Variants in ARHGAP15 observed in about 807,000 individuals in gnomAD.
The protein encoded by ARHGAP15 is rho GTPase-activating protein 15.
A neutral mutation model predicts 63.7 loss-of-function variants in ARHGAP15; 51 were observed. That is an observed-to-expected ratio of 0.80 (90% CI 0.64 to 1.01). The LOEUF (loss-of-function observed/expected upper bound fraction) is 1.01, where lower values mean the gene tolerates loss of function less well. Among genes scored for constraint, ARHGAP15 ranks in the 50% least tolerant of loss-of-function variants. The pLI is 0.00. For synonymous variants in ARHGAP15, 191 were observed against 193.8 expected, an observed-to-expected ratio of 0.99 and a Z score of 0.12; for missense variants, 560 against 564.6, an observed-to-expected ratio of 0.99 and a Z score of 0.08.
At chr2:143,688,971 AG>A (rs1574843400) in intron 12 of ARHGAP15, among the ~76,000 whole-genome samples, 1 of 152,126 alleles carries the variant, frequency 6.6e-6, no homozygotes, top group African/African-American at 2.4e-5. Context: ...TTCAATATTG[AG>A]GTAGTTTTTT....
chr2:143,217,280 A>G (rs1692793774), intron 4 of ARHGAP15, among the ~76,000 whole-genome samples: 1 of 152,344 alleles, frequency 6.6e-6, no homozygotes, highest in South Asian at 2.1e-4. Flanking sequence ...ACCAGAGAAT[A>G]AAGTCTGCTT....
At chr2:143,477,218 A>G (rs2105204354) in intron 8 of ARHGAP15, among the ~76,000 whole-genome samples, 1 of 152,092 alleles carries the variant, frequency 6.6e-6, no homozygotes, top group South Asian at 2.1e-4. Flanking sequence ...TCGCGCACAC[A>G]CACACACATA....
At chr2:143,147,729 G>A (rs1407376778) in intron 1 of ARHGAP15, among the ~76,000 whole-genome samples, 1 of 151,740 alleles carries the variant, frequency 6.6e-6, no homozygotes, top group African/African-American at 2.4e-5. Flanking sequence ...TTTGATTGTT[G>A]ACCAGAAGCA....
At chr2:143,417,634 C>T (rs1279182415) in intron 6 of ARHGAP15, among the ~76,000 whole-genome samples, 1 of 152,154 alleles carries the variant, frequency 6.6e-6, no homozygotes, top group Non-Finnish European at 1.5e-5. Context: ...CAGGACTGAG[C>T]TTGTGAATGA....
At chr2:143,727,111 T>C (rs1388963216) in intron 13 of ARHGAP15, among the ~76,000 whole-genome samples, 3 of 152,190 alleles carry the variant, frequency 2.0e-5, no homozygotes, top group Non-Finnish European at 4.4e-5. Flanking sequence ...ACTGAGGCTG[T>C]ACTTGTATGC....
intron 6 of ARHGAP15, among the ~76,000 whole-genome samples, chr2:143,337,782 C>T (rs1684872566): frequency 6.6e-6 from 1 of 152,058 alleles, no homozygotes; most frequent in African/African-American, 2.4e-5. Flanking sequence ...ATAGCAAAAT[C>T]CTACCAAAAC....
At chr2:143,757,959 GAA>G (rs1686636303) in intron 13 of ARHGAP15, among the ~76,000 whole-genome samples, 1 of 151,940 alleles carries the variant, frequency 6.6e-6, no homozygotes, top group African/African-American at 2.4e-5. Flanking sequence ...CAAAAGTAAT[GAA>G]AAGTTACTCT....
intron 11 of ARHGAP15, among the ~76,000 whole-genome samples, chr2:143,611,325 T>C (rs979098882): frequency 2.0e-5 from 3 of 152,192 alleles, no homozygotes; most frequent in African/African-American, 7.2e-5. Context: ...CTTATTGTTT[T>C]AGGTGGTTTT....
chr2:143,407,988 T>TGC (rs67399545), intron 6 of ARHGAP15, among the ~76,000 whole-genome samples: 1 of 14,952 alleles, frequency 6.7e-5, no homozygotes, highest in Non-Finnish European at 1.1e-4. Flanking sequence ...TCTGTGTGTG[T>TGC]ATATATATAT....
chr2:143,379,733 T>G (rs1686983002), intron 6 of ARHGAP15, among the ~76,000 whole-genome samples: 1 of 151,954 alleles, frequency 6.6e-6, no homozygotes, highest in African/African-American at 2.4e-5. Context: ...CTGAAATAAT[T>G]ATTAATAAAT....
chr2:143,199,878 T>C (rs1314958315), intron 2 of ARHGAP15, among the ~76,000 whole-genome samples: 1 of 151,920 alleles, frequency 6.6e-6, no homozygotes, highest in Non-Finnish European at 1.5e-5. Context: ...AACAGCTCTC[T>C]CCATAAAGCT....
chr2:143,703,670 C>T (rs2105423745), intron 13 of ARHGAP15, 146 bp downstream of exon 13: 1 of 604,148 alleles, frequency 1.7e-6, no homozygotes, highest in Non-Finnish European at 2.8e-6. Flanking sequence ...TCTGCAGAAG[C>T]TGGAGAATGT....
intron 11 of ARHGAP15, among the ~76,000 whole-genome samples, chr2:143,570,619 A>G (rs181261154): frequency 2.0e-5 from 3 of 152,364 alleles, no homozygotes; most frequent in Admixed American, 1.3e-4. Context: ...TCTCAAAGTG[A>G]ACAATTTTTC....
intron 6 of ARHGAP15, among the ~76,000 whole-genome samples, chr2:143,416,800 C>A (rs1263055703): frequency 6.7e-6 from 1 of 149,552 alleles, no homozygotes; most frequent in Admixed American, 6.7e-5. Flanking sequence ...CCTTGCTTCC[C>A]TGCCTGCCAC....
chr2:143,214,074 A>G (rs17206835), intron 3 of ARHGAP15, among the ~76,000 whole-genome samples: 22,505 of 152,184 alleles, frequency 0.15, 1,751 homozygotes, highest in Middle Eastern at 0.25. Flanking sequence ...TATCTCTTTT[A>G]GAAAAATTTT....
At chr2:143,683,970 A>G (rs935098062) in intron 12 of ARHGAP15, among the ~76,000 whole-genome samples, 9 of 152,236 alleles carry the variant, frequency 5.9e-5, no homozygotes, top group Non-Finnish European at 1.3e-4. Context: ...TAATTTCTGA[A>G]GACAAAAAAC....
At chr2:143,558,065 T>C (rs1695882281) in intron 11 of ARHGAP15, among the ~76,000 whole-genome samples, 1 of 152,130 alleles carries the variant, frequency 6.6e-6, no homozygotes, top group Admixed American at 6.6e-5. Context: ...CATGTTAGTT[T>C]TCCTTTTACT....
chr2:143,451,420 C>A (rs911407919), intron 8 of ARHGAP15, among the ~76,000 whole-genome samples: 4 of 151,738 alleles, frequency 2.6e-5, no homozygotes, highest in African/African-American at 9.7e-5. Context: ...GGAAAACTGC[C>A]ACTGAAAAGG....
At chr2:143,139,196 A>C (rs1246972506) in intron 1 of ARHGAP15, among the ~76,000 whole-genome samples, 2 of 152,140 alleles carry the variant, frequency 1.3e-5, no homozygotes, top group Non-Finnish European at 2.9e-5. Context: ...CATTAAATCC[A>C]TGGCCTCTCC....
Sources: allele counts gnomAD v4.1 joint callset (sites outside exome capture counted in the v4.1 genomes callset), GRCh38; gene constraint gnomAD v4.1.1; transcripts MANE v1.5; gene names NCBI Gene and HGNC (gene_info 2026-07-23, HGNC 2026-07-21).